FBN1: variants seen among roughly 807,000 people sequenced by gnomAD.
FBN1 encodes fibrillin 1, also known as fibrillin-1.
FBN1 carries 29 observed loss-of-function variants against 365.1 expected under a neutral mutation model. The observed-to-expected ratio is 0.08, with a 90% CI of 0.06 to 0.11. The LOEUF (loss-of-function observed/expected upper bound fraction) is 0.11. Ranked by LOEUF, FBN1 falls within the 10% of genes least tolerant of loss-of-function variation. The pLI is 1.00. For synonymous variants in FBN1, 1,210 were observed against 1,270.5 expected (o/e 0.95, Z 1.01); for missense variants, 2,476 against 3,703.2 (o/e 0.67, Z 8.60).
chr15:48,586,717 A>C (rs1023745107), intron 6 of FBN1, among the ~76,000 whole-genome samples: 2 of 152,252 alleles, frequency 1.3e-5, no homozygotes, highest in Non-Finnish European at 2.9e-5. Flanking sequence ...TGATTAAATA[A>C]TGAAGATCTT....
At chr15:48,623,543 A>C (rs1162042464) in intron 2 of FBN1, among the ~76,000 whole-genome samples, 2 of 152,236 alleles carry the variant, frequency 1.3e-5, no homozygotes, top group Non-Finnish European at 2.9e-5. Flanking sequence ...AAGAAGAAAA[A>C]AAATCCCACA....
At position 48,470,767 on chromosome 15, in the gene FBN1, G is replaced by A. The variant is rs201012099; in HGVS notation, c.4337-11C>T. On this transcript the variant is annotated splice_polypyrimidine_tract_variant and intron_variant, in intron 35 of 65. Coordinates refer to ENST00000316623, the MANE Select transcript of FBN1 (RefSeq NM_000138.5). ...AGCACTCATCAATATCTTGGGGGGA[G>A]GGAGAAAAAAGCAAAAAACTTAACT... is the stretch of plus-strand genomic sequence containing the variant. 3 of 1,613,574 alleles carry A rather than the reference G, an allele frequency of 1.9e-6. No homozygotes were observed. The highest frequency in any genetic ancestry group is 1.7e-5 in the Admixed American group (1 of 59,964).
At chr15:48,495,651 A>G (rs2043601395) in intron 20 of FBN1, 63 bp from the exon 21 acceptor site, 1 of 1,605,288 alleles carries the variant, frequency 6.2e-7, no homozygotes, top group Non-Finnish European at 8.5e-7. Context: ...AGAGTACTTC[A>G]ACTTTGACCC....
At chr15:48,614,328 T>C (rs1889608986) in intron 2 of FBN1, among the ~76,000 whole-genome samples, 1 of 152,192 alleles carries the variant, frequency 6.6e-6, no homozygotes, top group Non-Finnish European at 1.5e-5. Flanking sequence ...GCATAAACCT[T>C]TAAAAACAAC....
At chr15:48,583,649 C>T (rs1736840211) in intron 6 of FBN1, among the ~76,000 whole-genome samples, 1 of 152,144 alleles carries the variant, frequency 6.6e-6, no homozygotes, top group Admixed American at 6.6e-5. Context: ...AGTTCATTTT[C>T]CCTTCTGTAC....
intron 40 of FBN1, among the ~76,000 whole-genome samples, chr15:48,464,562 G>C (rs952766593): frequency 2.6e-5 from 4 of 152,030 alleles, no homozygotes; most frequent in Non-Finnish European, 5.9e-5. Context: ...AGGAACTCTT[G>C]CCTTCTGACA....
intron 63 of FBN1, among the ~76,000 whole-genome samples, chr15:48,418,205 G>A (rs76806298): frequency 0.059 from 8,979 of 152,204 alleles, 309 homozygotes; most frequent in East Asian, 0.15. Context: ...CACCCTTCAA[G>A]GTGGTATTTA....
At chr15:48,455,579 T>C in intron 44 of FBN1, among the ~76,000 whole-genome samples, 1 of 152,208 alleles carries the variant, frequency 6.6e-6, no homozygotes, top group East Asian at 1.9e-4. Context: ...ACATCCATGC[T>C]TCCTCTCCAG....
intron 6 of FBN1, among the ~76,000 whole-genome samples, chr15:48,581,056 C>A (rs1317760489): frequency 6.6e-6 from 1 of 152,180 alleles, no homozygotes; most frequent in Admixed American, 6.5e-5. Context: ...ACAAATCATG[C>A]ACTACACCAT....
intron 6 of FBN1, among the ~76,000 whole-genome samples, chr15:48,571,795 G>A (rs140449883): frequency 1.3e-5 from 2 of 152,210 alleles, no homozygotes; most frequent in African/African-American, 4.8e-5. Context: ...AACACTCTGT[G>A]TTCAAAGATG....
chr15:48,475,883 G>C (rs1242616595), intron 32 of FBN1, among the ~76,000 whole-genome samples: 3 of 152,162 alleles, frequency 2.0e-5, no homozygotes, highest in East Asian at 1.9e-4. Flanking sequence ...TCCTACAAAA[G>C]AACTTTATAA....
rs1443477834 is a variant in FBN1 at position 48,408,663 on chromosome 15, G to C, written c.*2327C>G. 6.6e-6 allele frequency: 1 copy of C among 152,600 alleles called. No individual in the cohort carries two copies. The highest frequency in any genetic ancestry group is 1.5e-5 in the Non-Finnish European group (1 of 68,026). The allele number at this position is 152,600 out of a possible 1,614,324, so 9.5% of individuals were successfully genotyped here. A position where few individuals can be genotyped will look rare whatever the true frequency, so the allele number is the denominator to read the frequency against. On this transcript the variant is annotated 3_prime_UTR_variant, in exon 66 of 66. Coordinates refer to ENST00000316623, the MANE Select transcript of FBN1 (RefSeq NM_000138.5). ...CAGGTTTAAATCTCAGGATTAAAAA[G>C]AGTTCCAACAAGAGGAATATTTACA...
At chr15:48,435,028 C>G (rs2043055232) in intron 53 of FBN1, among the ~76,000 whole-genome samples, 1 of 152,190 alleles carries the variant, frequency 6.6e-6, no homozygotes. Flanking sequence ...AACTCTTGAC[C>G]TCAAGCAATC....
intron 6 of FBN1, among the ~76,000 whole-genome samples, chr15:48,577,621 T>A (rs555494936): frequency 6.6e-6 from 1 of 152,296 alleles, no homozygotes; most frequent in East Asian, 1.9e-4. Flanking sequence ...ACTGGCCTCT[T>A]AAATAAACAA....
chr15:48,542,042 G>C (rs780483746), intron 6 of FBN1, among the ~76,000 whole-genome samples: 1 of 152,164 alleles, frequency 6.6e-6, no homozygotes, highest in Non-Finnish European at 1.5e-5. Context: ...TGAGTGGTTA[G>C]CTCAAGGATT....
rs532932986 is a variant in FBN1, at chr15:48,547,614, T to A, written c.539-9806A>T. Among the ~76,000 whole-genome samples, 7 of 152,198 alleles carry A rather than the reference T, an allele frequency of 4.6e-5. No homozygotes were observed. The South Asian group carries it at 1.5e-3, about 32-fold the overall frequency. On this transcript the variant is annotated intron_variant, in intron 6 of 65. Transcript: ENST00000316623. The stretch of plus-strand genomic sequence containing the variant: ...AGACAGATAAACGGCAGGGAGATGG[T>A]TTTGATACATTGGTTGGCAAATGTT...
chr15:48,479,496 A>C (rs531904448), intron 32 of FBN1, among the ~76,000 whole-genome samples: 1 of 152,310 alleles, frequency 6.6e-6, no homozygotes, highest in East Asian at 1.9e-4. Flanking sequence ...GGGGCATAAA[A>C]CTCAAGTCTT....
intron 2 of FBN1, among the ~76,000 whole-genome samples, chr15:48,632,884 C>A (rs1368511338): frequency 6.6e-6 from 1 of 152,190 alleles, no homozygotes; most frequent in African/African-American, 2.4e-5. Flanking sequence ...ACAGAGCTCA[C>A]AGGGTGGTAA....
At chr15:48,587,911 G>C (rs2044449436) in intron 6 of FBN1, among the ~76,000 whole-genome samples, 1 of 152,122 alleles carries the variant, frequency 6.6e-6, no homozygotes, top group Non-Finnish European at 1.5e-5. Flanking sequence ...ATTAGGCTCA[G>C]CTCTGAGGCC....
Sources: gnomAD v4.1 joint callset for allele counts (sites outside exome capture counted in the v4.1 genomes callset) on GRCh38, gnomAD v4.1.1 for gene constraint, MANE v1.5 for transcripts, NCBI Gene and HGNC (gene_info 2026-07-23, HGNC 2026-07-21) for gene names.